PARD3: variants seen among roughly 807,000 people sequenced by gnomAD.
PARD3 encodes partitioning defective 3 homolog.
In PARD3, 75 loss-of-function variants were observed where a neutral mutation model predicts 155.4. That is an observed-to-expected ratio of 0.48 (90% confidence interval 0.40 to 0.58). The LOEUF (loss-of-function observed/expected upper bound fraction) is 0.58, where lower values mean the gene tolerates loss of function less well. Among genes scored for constraint, PARD3 ranks in the 20% least tolerant of loss-of-function variants. The pLI is 0.00. For missense variants in PARD3, 1,642 were observed against 1,721.7 expected (o/e 0.95, Z 0.82); for synonymous variants, 576 against 610.5 (o/e 0.94, Z 0.83).
chr10:34,738,670 G>A (rs897293295), intron 1 of PARD3, among the ~76,000 whole-genome samples: 19 of 152,176 alleles, frequency 1.2e-4, no homozygotes, highest in Admixed American at 6.5e-4. Flanking sequence ...CCTAAGCCCA[G>A]GAGGTCCAGG....
At chr10:34,315,667 TG>T (rs1957963294) in intron 20 of PARD3, among the ~76,000 whole-genome samples, 1 of 152,202 alleles carries the variant, frequency 6.6e-6, no homozygotes, top group African/African-American at 2.4e-5. Context: ...TCTGCACATA[TG>T]GAACAAAAAG....
At chr10:34,120,122 T>TC (rs898068955) in intron 23 of PARD3, among the ~76,000 whole-genome samples, 1 of 145,630 alleles carries the variant, frequency 6.9e-6, no homozygotes. Context: ...GTTCAAGTGA[T>TC]CCTCCCACCT....
chr10:34,490,562 G>T (rs1366049543), intron 3 of PARD3, among the ~76,000 whole-genome samples: 1 of 152,130 alleles, frequency 6.6e-6, no homozygotes, highest in Non-Finnish European at 1.5e-5. Context: ...GAAAGTGCTG[G>T]GATTACAGGC....
chr10:34,239,200 C>T (rs891205287), intron 22 of PARD3, among the ~76,000 whole-genome samples: 5 of 152,310 alleles, frequency 3.3e-5, no homozygotes, highest in African/African-American at 9.6e-5. Context: ...CTCTGATAGG[C>T]CATTTCTTTA....
chr10:34,651,270 A>G (rs2093007537), intron 2 of PARD3, among the ~76,000 whole-genome samples: 1 of 152,214 alleles, frequency 6.6e-6, no homozygotes, highest in Admixed American at 6.5e-5. Flanking sequence ...TGTTGTTCTA[A>G]GAATGACACA....
chr10:34,476,001 T>C (rs1046315124), intron 3 of PARD3, among the ~76,000 whole-genome samples: 10 of 152,046 alleles, frequency 6.6e-5, no homozygotes, highest in African/African-American at 2.2e-4. Flanking sequence ...AGACAACCAC[T>C]GAGAAGCTGG....
chr10:34,746,264 G>A (rs1202956820), intron 1 of PARD3, among the ~76,000 whole-genome samples: 1 of 151,474 alleles, frequency 6.6e-6, no homozygotes, highest in Non-Finnish European at 1.5e-5. Flanking sequence ...CCAACAAAGT[G>A]AGATTCTGTC....
intron 2 of PARD3, among the ~76,000 whole-genome samples, chr10:34,681,756 ATATATATATATATTTTTTTTTT>A (rs1467625874): frequency 2.6e-4 from 5 of 18,934 alleles, no homozygotes; most frequent in African/African-American, 1.1e-3. Context: ...ATATATATAT[ATATATATATATATTTTTTTTTT>A]TTTTTTTTTT....
intron 4 of PARD3, among the ~76,000 whole-genome samples, chr10:34,458,600 G>C (rs1021469644): frequency 4.6e-5 from 7 of 152,202 alleles, no homozygotes; most frequent in African/African-American, 7.2e-5. Context: ...GGGCAACAGA[G>C]AGAGATCCTC....
chr10:34,556,106 T>C (rs535949333), intron 2 of PARD3, among the ~76,000 whole-genome samples: 59 of 152,292 alleles, frequency 3.9e-4, no homozygotes, highest in Admixed American at 9.2e-4. Context: ...GCAGAAGCCC[T>C]GAAGAAAGCA....
At chr10:34,556,848 C>A (rs1400131897) in intron 2 of PARD3, among the ~76,000 whole-genome samples, 1 of 152,122 alleles carries the variant, frequency 6.6e-6, no homozygotes, top group Non-Finnish European at 1.5e-5. Flanking sequence ...ATGTTCTACA[C>A]CCTCATTATG....
intron 3 of PARD3, among the ~76,000 whole-genome samples, chr10:34,489,181 T>C (rs1203175173): frequency 6.6e-6 from 1 of 152,030 alleles, no homozygotes; most frequent in Non-Finnish European, 1.5e-5. Context: ...CTACTAAAAA[T>C]ACAAAAATTA....
At chr10:34,250,472 A>T (rs1954239172) in intron 22 of PARD3, among the ~76,000 whole-genome samples, 1 of 152,184 alleles carries the variant, frequency 6.6e-6, no homozygotes, top group African/African-American at 2.4e-5. Context: ...GCTAATTAAA[A>T]CAACTCAAAT....
At position 34,533,973 on chromosome 10, in the gene PARD3, G is replaced by A. The variant is rs115563031; in HGVS notation, c.223-16814C>T. 4.6e-3 allele frequency among the ~76,000 whole-genome samples: 701 copies of A among 152,118 alleles called. 8 individuals carry two copies. The highest frequency in any genetic ancestry group is 0.03 in the East Asian group (157 of 5,162). On this transcript the variant is annotated intron_variant, in intron 2 of 24. Coordinates refer to ENST00000374788, the MANE Select transcript of PARD3 (RefSeq NM_001184785.2). ...AGCTCTAGAAAGCATTCAGTACGTC[G>A]GCAAGAGATAATAAACACCCCCATT...
chr10:34,504,595 G>A (rs564498555), intron 3 of PARD3, among the ~76,000 whole-genome samples: 2 of 152,194 alleles, frequency 1.3e-5, no homozygotes, highest in African/African-American at 4.8e-5. Flanking sequence ...CCTTTAAAAT[G>A]TAGCCCAGAG....
At chr10:34,526,931 T>C (rs1184306912) in intron 2 of PARD3, among the ~76,000 whole-genome samples, 5 of 152,198 alleles carry the variant, frequency 3.3e-5, no homozygotes, top group Admixed American at 2.6e-4. Flanking sequence ...ACTCATTCCA[T>C]TGTTGAACTT....
At chr10:34,308,561 T>C (rs1957531609) in intron 20 of PARD3, among the ~76,000 whole-genome samples, 1 of 152,086 alleles carries the variant, frequency 6.6e-6, no homozygotes, top group Non-Finnish European at 1.5e-5. Flanking sequence ...GAACTGCCAT[T>C]ATCTGAGAAA....
intron 2 of PARD3, among the ~76,000 whole-genome samples, chr10:34,598,746 C>T (rs999908890): frequency 6.6e-6 from 1 of 152,148 alleles, no homozygotes; most frequent in African/African-American, 2.4e-5. Flanking sequence ...GGGGTACCAG[C>T]AGTAAAGAGT....
chr10:34,656,773 G>A (rs534790208), intron 2 of PARD3, among the ~76,000 whole-genome samples: 15 of 152,262 alleles, frequency 9.9e-5, no homozygotes, highest in African/African-American at 3.6e-4. Flanking sequence ...AATAACTCAG[G>A]GCCGCAGGAG....
Sources: allele counts gnomAD v4.1 joint callset (sites outside exome capture counted in the v4.1 genomes callset), GRCh38; gene constraint gnomAD v4.1.1; transcripts MANE v1.5; gene names NCBI Gene and HGNC (gene_info 2026-07-23, HGNC 2026-07-21).